Variants in PCED1B observed in about 807,000 individuals in gnomAD.
PCED1B encodes the protein PC-esterase domain containing 1B, also known as PC-esterase domain-containing protein 1B.
For missense variants in PCED1B, 573 were observed against 573.9 expected, an observed-to-expected ratio of 1.00 and a Z score of 0.02; for synonymous variants, 251 against 246.1, an observed-to-expected ratio of 1.02 and a Z score of -0.19.
At chr12:47,120,251 C>T (rs571550189) in intron 2 of PCED1B, among the ~76,000 whole-genome samples, 1 of 152,226 alleles carries the variant, frequency 6.6e-6, no homozygotes, top group East Asian at 1.9e-4. Flanking sequence ...TAAAATGATG[C>T]AGCCACTTTG....
intron 2 of PCED1B, among the ~76,000 whole-genome samples, chr12:47,154,779 ATG>A (rs3989869): frequency 0.065 from 9,510 of 146,484 alleles, 454 homozygotes; most frequent in East Asian, 0.14. Context: ...GTGTGTGTGC[ATG>A]TGTGTGTGTG....
At chr12:47,114,502 G>T (rs1463058119) in intron 2 of PCED1B, among the ~76,000 whole-genome samples, 5 of 152,266 alleles carry the variant, frequency 3.3e-5, no homozygotes, top group Admixed American at 2.6e-4. Context: ...GACAGAGAAC[G>T]TTACCCCTGG....
intron 2 of PCED1B, among the ~76,000 whole-genome samples, chr12:47,202,998 CTGGCTCTGTTGCCCAGGCTGGAG>C (rs1942813093): frequency 1.4e-5 from 2 of 145,954 alleles, no homozygotes; most frequent in Admixed American, 6.9e-5. Flanking sequence ...CTGAGACAGT[CTGGCTCTGTTGCCCAGGCTGGAG>C]TGAAGTGGCA....
chr12:47,191,518 T>G (rs1433499604), intron 2 of PCED1B, among the ~76,000 whole-genome samples: 1 of 152,192 alleles, frequency 6.6e-6, no homozygotes, highest in Non-Finnish European at 1.5e-5. Context: ...ATGCATTCAC[T>G]TTACTCTCAT....
chr12:47,149,425 C>T (rs1024807399), intron 2 of PCED1B, among the ~76,000 whole-genome samples: 1 of 152,114 alleles, frequency 6.6e-6, no homozygotes, highest in Admixed American at 6.5e-5. Context: ...GTTATTAGTT[C>T]CTTATTCTGC....
chr12:47,116,979 C>T (rs1270138765), intron 2 of PCED1B, among the ~76,000 whole-genome samples: 1 of 152,126 alleles, frequency 6.6e-6, no homozygotes, highest in Non-Finnish European at 1.5e-5. Flanking sequence ...CAGAAAGAAA[C>T]ATTGATAAAT....
chr12:47,109,338 T>C (rs1939091556), intron 2 of PCED1B, among the ~76,000 whole-genome samples: 1 of 142,216 alleles, frequency 7.0e-6, no homozygotes, highest in Admixed American at 7.6e-5. Flanking sequence ...GGCTACACAT[T>C]ACAAGTACTT....
chr12:47,197,724 C>T (rs1472045166), intron 2 of PCED1B, among the ~76,000 whole-genome samples: 1 of 151,862 alleles, frequency 6.6e-6, no homozygotes, highest in Non-Finnish European at 1.5e-5. Flanking sequence ...GTTACTGACT[C>T]CATGGACATT....
intron 2 of PCED1B, among the ~76,000 whole-genome samples, chr12:47,148,324 G>A (rs1940867037): frequency 6.6e-6 from 1 of 152,182 alleles, no homozygotes; most frequent in Non-Finnish European, 1.5e-5. Context: ...TAAATCCACA[G>A]CAGTTAGTAC....
intron 2 of PCED1B, among the ~76,000 whole-genome samples, chr12:47,104,909 G>C (rs1447378855): frequency 6.6e-6 from 1 of 152,082 alleles, no homozygotes. Context: ...AAGCCGGCTC[G>C]CCCCGGGCTT....
intron 2 of PCED1B, among the ~76,000 whole-genome samples, chr12:47,149,905 C>T (rs1940928132): frequency 6.6e-6 from 1 of 152,160 alleles, no homozygotes; most frequent in African/African-American, 2.4e-5. Flanking sequence ...TCAATTGACA[C>T]TTATTATCAA....
At chr12:47,191,276 C>T (rs1440434173) in intron 2 of PCED1B, among the ~76,000 whole-genome samples, 1 of 152,170 alleles carries the variant, frequency 6.6e-6, no homozygotes. Flanking sequence ...GACCCTAAAG[C>T]CCTGAGCTGT....
intron 2 of PCED1B, among the ~76,000 whole-genome samples, chr12:47,141,508 A>G (rs1397904459): frequency 6.6e-6 from 1 of 152,146 alleles, no homozygotes; most frequent in Admixed American, 6.5e-5. Context: ...CCTGTGCTTC[A>G]GGCAACAGGC....
At chr12:47,200,944 T>C (rs2137707114) in intron 2 of PCED1B, among the ~76,000 whole-genome samples, 1 of 152,366 alleles carries the variant, frequency 6.6e-6, no homozygotes, top group East Asian at 1.9e-4. Context: ...TTGAAGTTAT[T>C]TGAAAGGCTT....
intron 2 of PCED1B, among the ~76,000 whole-genome samples, chr12:47,182,776 C>G (rs1942136190): frequency 6.6e-6 from 1 of 152,136 alleles, no homozygotes; most frequent in Admixed American, 6.5e-5. Flanking sequence ...TGAGCTGCAA[C>G]TTGAACTCAG....
At chr12:47,107,972 G>T (rs1592148253) in intron 2 of PCED1B, among the ~76,000 whole-genome samples, 1 of 152,034 alleles carries the variant, frequency 6.6e-6, no homozygotes, top group East Asian at 1.9e-4. Context: ...ATAAAATAAG[G>T]ATGTAAATAA....
intron 2 of PCED1B, among the ~76,000 whole-genome samples, chr12:47,144,833 C>T (rs1054682299): frequency 1.3e-5 from 2 of 152,182 alleles, no homozygotes; most frequent in Admixed American, 6.5e-5. Context: ...GTCTCAAAAT[C>T]CCTTGGGCCT....
At chr12:47,084,974 T>C (rs1208184777) in intron 1 of PCED1B, among the ~76,000 whole-genome samples, 4 of 152,110 alleles carry the variant, frequency 2.6e-5, no homozygotes, top group Non-Finnish European at 4.4e-5. Flanking sequence ...CAAATCCCCG[T>C]CTCTACTAAA....
intron 3 of PCED1B, among the ~76,000 whole-genome samples, chr12:47,229,929 C>G (rs1943748563): frequency 6.6e-6 from 1 of 151,350 alleles, no homozygotes. Context: ...GCCACCACAC[C>G]CGGCTAATAT....
Sources: allele counts gnomAD v4.1 joint callset (sites outside exome capture counted in the v4.1 genomes callset), GRCh38; gene constraint gnomAD v4.1.1; transcripts MANE v1.5; gene names NCBI Gene and HGNC (gene_info 2026-07-23, HGNC 2026-07-21).